The following ST3GAL6 variants were observed in gnomAD, a reference collection of about 807,000 sequenced individuals.
ST3GAL6 encodes ST3 beta-galactoside alpha-2,3-sialyltransferase 6.
A neutral mutation model predicts 40.5 loss-of-function variants in ST3GAL6; 31 were observed. That is an observed-to-expected ratio of 0.77 (90% CI 0.58 to 1.03). The LOEUF (loss-of-function observed/expected upper bound fraction) is 1.03, where lower values mean the gene tolerates loss of function less well. Ranked by LOEUF, ST3GAL6 falls within the 50% of genes least tolerant of loss-of-function variation. The pLI is 0.00. For missense variants in ST3GAL6, 357 were observed against 393.2 expected, an observed-to-expected ratio of 0.91 and a Z score of 0.78; for synonymous variants, 129 against 136.9, an observed-to-expected ratio of 0.94 and a Z score of 0.40.
rs189203437 is a variant in ST3GAL6, at chr3:98,765,577, A to G, written c.-12+2138A>G. Among the ~76,000 whole-genome samples the G allele has an allele frequency of 9.0e-3, 1,369 of 152,330 alleles. 13 individuals are homozygous for G. Among genetic ancestry groups the G allele is most frequent in the Non-Finnish European group, 0.011 (779 of 68,028 alleles). On this transcript the variant is annotated intron_variant, in intron 1 of 9. Coordinates refer to ENST00000483910, the MANE Select transcript of ST3GAL6 (RefSeq NM_001323368.2). ...AGATTGAGTTTAATTTGGCATATAT[A>G]GGTTACTTATACATTGGGTTACATA...
intron 5 of ST3GAL6, among the ~76,000 whole-genome samples, chr3:98,781,842 A>G (rs1255585631): frequency 1.3e-5 from 2 of 152,172 alleles, no homozygotes; most frequent in Non-Finnish European, 2.9e-5. Flanking sequence ...TGTTATTTCA[A>G]TCTTGTCTTA....
chr3:98,761,467 G>T (rs1353688536), upstream of ST3GAL6, among the ~76,000 whole-genome samples: 4 of 152,028 alleles, frequency 2.6e-5, no homozygotes. Flanking sequence ...GAATTAGCCA[G>T]GCATGGTGGC....
At chr3:98,754,666 T>G (rs940912774) in intron 1 of ST3GAL6, among the ~76,000 whole-genome samples, 1 of 152,178 alleles carries the variant, frequency 6.6e-6, no homozygotes, top group Non-Finnish European at 1.5e-5. Context: ...GAAATGTCAG[T>G]TGACACAGCA....
chr3:98,757,832 CT>C (rs937354439), intron 1 of ST3GAL6, among the ~76,000 whole-genome samples: 7 of 150,590 alleles, frequency 4.6e-5, no homozygotes, highest in African/African-American at 1.5e-4. Flanking sequence ...ATTTTAACTG[CT>C]TTTTTTTCTT....
chr3:98,771,136 T>C, intron 3 of ST3GAL6, 180 bp downstream of exon 3: 1 of 1,507,716 alleles, frequency 6.6e-7, no homozygotes. Context: ...GCTCTGCATA[T>C]ATTTTAAGAA....
rs370458654 is a variant in ST3GAL6 at position 98,791,862 on chromosome 3, G to A, written c.778G>A (p.Gly260Arg). ...CCAGAAACCTAAACACCCAACAACA[G>A]GAATTATTGCCATCACATTGGCGTT... ...KNQKPKHPTTGIIAITLAFYI... is the reference protein window; with the variant it reads ...KNQKPKHPTTRIIAITLAFYI... The change falls in exon 9 of 10, where the codon GGA becomes AGA. Residue 260 changes from glycine (G) to arginine (R), a missense_variant. By Grantham distance (125) the Gly-to-Arg change is moderately radical. Transcript: ENST00000483910. The A allele has an allele frequency of 6.2e-7, 1 of 1,612,056 alleles. No homozygotes were observed. The highest frequency in any genetic ancestry group is 1.3e-5 in the African/African-American group (1 of 74,802).
Position 98,763,426 on chromosome 3 carries a change from G to A in ST3GAL6, c.-25G>A. 7.8e-7 allele frequency: 1 copy of A among 1,289,774 alleles called. No individual in the cohort carries two copies. The allele number at this position is 1,289,774 out of a possible 1,614,324, so 79.9% of individuals were successfully genotyped here. Reference sequence around the variant, plus strand: ...ACACAGGTGTCAGCAGGGCCACCTGGTAAAGGTATGGAGGTGAGCCATGAA... The same window carrying A: ...ACACAGGTGTCAGCAGGGCCACCTGATAAAGGTATGGAGGTGAGCCATGAA... On this transcript the variant is annotated 5_prime_UTR_variant, in exon 1 of 10. The change creates a premature stop within an existing upstream ORF in the 5' untranslated region. Transcript: ENST00000483910.
At chr3:98,789,933 A>G (rs1941053621) in intron 8 of ST3GAL6, among the ~76,000 whole-genome samples, 1 of 152,214 alleles carries the variant, frequency 6.6e-6, no homozygotes, top group African/African-American at 2.4e-5. Context: ...GCTGTATTTC[A>G]AGAGAAGTCA....
chr3:98,752,433 A>C (rs1299789147), intron 1 of ST3GAL6, among the ~76,000 whole-genome samples: 3 of 151,470 alleles, frequency 2.0e-5, no homozygotes, highest in African/African-American at 7.3e-5. Flanking sequence ...TGATCTTTTT[A>C]TAAAATATAT....
At chr3:98,756,382 G>A in intron 1 of ST3GAL6, 10 of 1,289,754 alleles carry the variant, frequency 7.8e-6, no homozygotes, top group Non-Finnish European at 1.0e-5. Context: ...TTGCAAGTGA[G>A]GAAGCAGCAC....
chr3:98,733,679 T>G, intron 1 of ST3GAL6: 3 of 804,030 alleles, frequency 3.7e-6, no homozygotes, highest in Non-Finnish European at 4.5e-6. Context: ...GCTCCGGAGA[T>G]CCCGGCAATC....
intron 1 of ST3GAL6, among the ~76,000 whole-genome samples, chr3:98,739,402 C>CAA (rs34468318): frequency 1.3e-5 from 2 of 151,424 alleles, no homozygotes; most frequent in Admixed American, 1.3e-4. Context: ...AAAAAAACCC[C>CAA]AAAAAAACCC....
chr3:98,793,125 A>G (rs753797725), intron 9 of ST3GAL6, among the ~76,000 whole-genome samples: 7 of 152,124 alleles, frequency 4.6e-5, no homozygotes, highest in Non-Finnish European at 1.0e-4. Flanking sequence ...AGGTACCCCA[A>G]CAGACTTTGG....
intron 1 of ST3GAL6, among the ~76,000 whole-genome samples, chr3:98,763,939 A>T (rs1938061219): frequency 1.3e-5 from 2 of 151,760 alleles, no homozygotes; most frequent in African/African-American, 4.8e-5. Flanking sequence ...GGCTCCTCAG[A>T]CTCTCTTTCT....
At chr3:98,785,540 T>C (rs1343738499) in intron 6 of ST3GAL6, among the ~76,000 whole-genome samples, 3 of 152,136 alleles carry the variant, frequency 2.0e-5, no homozygotes, top group African/African-American at 4.8e-5. Flanking sequence ...GAGGAGATGA[T>C]CCTGAGTTTG....
At chr3:98,735,433 C>T (rs1388119383) in intron 1 of ST3GAL6, among the ~76,000 whole-genome samples, 1 of 152,216 alleles carries the variant, frequency 6.6e-6, no homozygotes, top group East Asian at 1.9e-4. Context: ...TTCCTTGTGA[C>T]AGCTTTAGAC....
intron 1 of ST3GAL6, among the ~76,000 whole-genome samples, chr3:98,766,548 A>G (rs1938366238): frequency 6.6e-6 from 1 of 150,758 alleles, no homozygotes; most frequent in Non-Finnish European, 1.5e-5. Flanking sequence ...AGCCTCCTGA[A>G]TGGGTGGGAT....
intron 5 of ST3GAL6, among the ~76,000 whole-genome samples, chr3:98,779,381 G>A (rs761769572): frequency 3.9e-5 from 6 of 152,228 alleles, no homozygotes; most frequent in Non-Finnish European, 8.8e-5. Context: ...GCAGGGATCT[G>A]CTAGCAAGGC....
chr3:98,747,242 A>G (rs1415846271), intron 1 of ST3GAL6, among the ~76,000 whole-genome samples: 1 of 152,098 alleles, frequency 6.6e-6, no homozygotes, highest in Non-Finnish European at 1.5e-5. Context: ...TAAGAAGACT[A>G]TTTTCTGCAT....
Sources: allele counts gnomAD v4.1 joint callset (sites outside exome capture counted in the v4.1 genomes callset), GRCh38; gene constraint gnomAD v4.1.1; transcripts MANE v1.5; gene names NCBI Gene and HGNC (gene_info 2026-07-23, HGNC 2026-07-21).